Variants in KIF7 observed in about 807,000 individuals in gnomAD.
KIF7 encodes the protein kinesin family member 7, also known as kinesin-like protein KIF7.
KIF7 carries 104 observed loss-of-function variants against 135.7 expected under a neutral mutation model. The ratio of observed to expected loss-of-function variants is 0.77; its 90% CI spans 0.65 to 0.90. KIF7 has a LOEUF of 0.90. KIF7 is among the 40% of genes least tolerant of loss of function. The pLI is 0.00. For missense variants in KIF7, 2,005 were observed against 1,839.1 expected, an observed-to-expected ratio of 1.09 and a Z score of -1.65; for synonymous variants, 883 against 809.4, an observed-to-expected ratio of 1.09 and a Z score of -1.54.
At position 89,642,215 on chromosome 15, in the gene KIF7, C is replaced by G. The variant is rs780353194; in HGVS notation, c.2382G>C (p.Gln794His). Residue 794 changes from glutamine (Q) to histidine (H), a missense_variant, in exon 11 of 19, where the codon CAG becomes CAC. Transcript: ENST00000394412. Reference sequence around the variant, plus strand: ...CCCCGAGACTAACCTGCACCTGGCTCTGGGCCGCAGCGACCCTCCTGCGGA... The same window carrying G: ...CCCCGAGACTAACCTGCACCTGGCTGTGGGCCGCAGCGACCCTCCTGCGGA... ...QEFRRRVAAA[Q>H]SQVQVLKEKK... The G allele has an allele frequency of 1.9e-6, 3 of 1,610,438 alleles. No individual in the cohort carries two copies. Among genetic ancestry groups the G allele is most frequent in the South Asian group, 2.2e-5 (2 of 91,002 alleles).
rs758999185 is a variant in KIF7 at position 89,633,694 on chromosome 15, G to A, written c.2584C>T (p.Arg862Cys). 1.6e-5 allele frequency: 25 copies of A among 1,606,932 alleles called. No homozygotes were observed. Among genetic ancestry groups the A allele is most frequent in the Admixed American group, 3.3e-5 (2 of 59,960 alleles). ...LEAEMSKRQH[R>C]VKELELKHEQ... ...CCTGCCGTGAGCCTGACCTTGACGC[G>A]GTGCTGCCGCTTGCTCATTTCTGCC... Residue 862 changes from arginine to cysteine, a missense_variant, in exon 12 of 19, where the codon CGC becomes TGC. Physicochemically the swap from Arg to Cys is radical, Grantham distance 180. Transcript: ENST00000394412.
rs1963598744 is a variant in KIF7 at position 89,628,877 on chromosome 15, C to A, written c.3665-91G>T. ...CCCAGTGCCCCAGCACAATAAGCAA[C>A]CTGTGAATTGAGCCAATAAAGGCTC... On this transcript the variant is annotated intron_variant, in intron 18 of 18. Coordinates refer to ENST00000394412, the MANE Select transcript of KIF7 (RefSeq NM_198525.3). The A allele has an allele frequency of 2.5e-6, 4 of 1,610,738 alleles. No homozygotes were observed. In the Admixed American group the frequency reaches 6.7e-5, roughly 27 times the overall value.
chr15:89,620,754 ACT>A (rs1344770095), intron 1 of KIF7, among the ~76,000 whole-genome samples: 3 of 151,094 alleles, frequency 2.0e-5, no homozygotes, highest in Admixed American at 6.6e-5. Flanking sequence ...ATGGAGTCTC[ACT>A]CTGTTGCCCA....
downstream of KIF7, chr15:89,627,025 G>A (rs762916280): frequency 1.4e-5 from 23 of 1,613,922 alleles, no homozygotes; most frequent in South Asian, 2.2e-5. Context: ...TCCAGGAGGC[G>A]CCCCATCAGC....
In KIF7 at chr15:89,648,977, G is replaced by A; in HGVS notation, c.920C>T (p.Thr307Ile). The change falls in exon 4 of 19, where the codon ACC becomes ATC. Residue 307 changes from threonine to isoleucine, a missense_variant. Transcript: ENST00000394412. Reference protein sequence around the residue: ...SHIPYRDSKITRILKDSLGGN... With the variant: ...SHIPYRDSKIIRILKDSLGGN... ...TAGGAGCCAGGGGGCAGCTCACCGG[G>A]TGATCTTGGAGTCGCGGTAGGGTAT... 6.5e-7 allele frequency: 1 copy of A among 1,536,182 alleles called. No individual in the cohort carries two copies. The highest frequency in any genetic ancestry group is 8.8e-7 in the Non-Finnish European group (1 of 1,139,696).
At chr15:89,624,707 T>G, downstream of KIF7, 1 of 1,614,166 alleles carries the variant, frequency 6.2e-7, no homozygotes, top group African/African-American at 1.3e-5. Flanking sequence ...CATGTCACTC[T>G]CCTCAGTGAA....
intron 6 of KIF7, 104 bp from the exon 7 acceptor site, chr15:89,647,161 G>A (rs1964029206): frequency 2.0e-6 from 2 of 990,822 alleles, no homozygotes; most frequent in Non-Finnish European, 3.1e-6. Context: ...TCTCTGGGCT[G>A]AAAATGAGGA....
chr15:89,648,787 G>C lies in KIF7; in HGVS notation c.924-13C>G, dbSNP rs1964069016. The C allele has an allele frequency of 6.5e-7, 1 of 1,528,400 alleles. No homozygotes were observed. Among genetic ancestry groups the C allele is most frequent in the African/African-American group, 1.4e-5 (1 of 72,836 alleles). The allele number at this position is 1,528,400 out of a possible 1,614,324, so 94.7% of individuals were successfully genotyped here. ...GTCTTTGAGGATCCTGAGGGCGCGAGGGGGAGGCTCTCAGGGGCCCCGACG... is the reference window on the plus strand; with the variant it reads ...GTCTTTGAGGATCCTGAGGGCGCGACGGGGAGGCTCTCAGGGGCCCCGACG... On this transcript the variant is annotated splice_polypyrimidine_tract_variant and intron_variant, in intron 4 of 18. Transcript: ENST00000394412.
downstream of KIF7, chr15:89,625,786 G>A (rs747284999): frequency 1.9e-5 from 30 of 1,593,546 alleles, no homozygotes; most frequent in Admixed American, 3.5e-5. Flanking sequence ...GTTTGTTTCC[G>A]GTGAGTTCGT....
chr15:89,620,613 C>T (rs1309280089), intron 1 of KIF7, among the ~76,000 whole-genome samples: 1 of 151,898 alleles, frequency 6.6e-6, no homozygotes, highest in Non-Finnish European at 1.5e-5. Flanking sequence ...AAAAAGGCAG[C>T]AGTTGTTGTA....
chr15:89,651,047 T>G (rs1415396645), intron 2 of KIF7, among the ~76,000 whole-genome samples: 2 of 152,174 alleles, frequency 1.3e-5, no homozygotes, highest in African/African-American at 4.8e-5. Context: ...TCCTCCTGCC[T>G]CAGCCTCCTG....
Position 89,645,147 on chromosome 15 carries a change from G to A in KIF7, c.2057C>T (p.Ala686Val). 6.2e-7 allele frequency: 1 copy of A among 1,604,418 alleles called. No homozygotes were observed. The highest frequency in any genetic ancestry group is 8.5e-7 in the Non-Finnish European group (1 of 1,179,966). Residue 686 changes from alanine to valine, a missense_variant, in exon 10 of 19, where the codon GCC becomes GTC. Ala to Val is a moderately conservative substitution (Grantham distance 64, BLOSUM62 0). Transcript: ENST00000394412. ...GGGGACCTGGCGGGCCTGAACTCGG[G>A]CCTTGCTCCCACCAACTGCTGCAAC... Reference protein sequence around the residue: ...PGSRAVGGSKARVQARQVPPA... With the variant: ...PGSRAVGGSKVRVQARQVPPA...
intron 11 of KIF7, 143 bp from the exon 12 acceptor site, chr15:89,634,026 C>A: frequency 1.2e-6 from 1 of 864,076 alleles, no homozygotes; most frequent in South Asian, 1.4e-5. Context: ...AGGCCGGGTG[C>A]GGTGGCTCAC....
chr15:89,628,657 G>A lies in KIF7; in HGVS notation c.3794C>T (p.Thr1265Met), dbSNP rs747632760. 19 of 1,613,074 alleles carry A rather than the reference G, an allele frequency of 1.2e-5. No homozygotes were observed. The highest frequency in any genetic ancestry group is 6.7e-5 in the Admixed American group (4 of 60,016). Residue 1265 changes from threonine to methionine, a missense_variant, in exon 19 of 19, where the codon ACG (threonine) becomes ATG (methionine). Physicochemically the swap from Thr to Met is moderately conservative, Grantham distance 81 (BLOSUM62 -1). Coordinates refer to ENST00000394412, the MANE Select transcript of KIF7 (RefSeq NM_198525.3). ...TEGAPRTREE[T>M]RDLVHAPLPL... ...TAACGGAGCGTGGACCAAGTCCCGC[G>A]TCTCCTCCCGGGTGCGGGGGGCCCC...
intron 11 of KIF7, among the ~76,000 whole-genome samples, chr15:89,638,914 C>T (rs1393459574): frequency 6.7e-6 from 1 of 149,960 alleles, no homozygotes; most frequent in Non-Finnish European, 1.5e-5. Flanking sequence ...GCTACAGTAA[C>T]CAAAACAGCA....
At chr15:89,649,705 C>A in intron 3 of KIF7, 36 bp downstream of exon 3, 1 of 1,545,628 alleles carries the variant, frequency 6.5e-7, no homozygotes, top group African/African-American at 1.4e-5. Context: ...CCCCCTAAGC[C>A]CCTCTCCGTC....
chr15:89,642,331 G>A lies in KIF7; in HGVS notation c.2266C>T (p.Arg756Trp), dbSNP rs570853380. 5.6e-6 allele frequency: 9 copies of A among 1,609,966 alleles called. No individual in the cohort carries two copies. The highest frequency in any genetic ancestry group is 4.0e-5 in the African/African-American group (3 of 74,924). The change falls in exon 11 of 19, where the codon CGG becomes TGG. Residue 756 changes from arginine to tryptophan, a missense_variant. Arg to Trp is a moderately radical substitution (Grantham distance 101, BLOSUM62 -3). Coordinates refer to ENST00000394412, the MANE Select transcript of KIF7 (RefSeq NM_198525.3). ...CTCTGGCCTTCACTCAGCTCGGCCC[G>A]CACCTGCTCTGCCTCCTGCTCCAGC... ...RELEQEAEQV[R>W]AELSEGQRQL...
In KIF7 at chr15:89,633,686, C is replaced by A; in HGVS notation, c.2592G>T (p.Lys864Asn). Residue 864 changes from lysine (K) to asparagine (N), a missense_variant and splice_region_variant, in exon 12 of 19, where the codon AAG (lysine) becomes AAT (asparagine). Coordinates refer to ENST00000394412, the MANE Select transcript of KIF7 (RefSeq NM_198525.3). Reference sequence around the variant, plus strand: ...GTCCCCACCCTGCCGTGAGCCTGACCTTGACGCGGTGCTGCCGCTTGCTCA... The same window carrying A: ...GTCCCCACCCTGCCGTGAGCCTGACATTGACGCGGTGCTGCCGCTTGCTCA... Reference protein sequence around the residue: ...AEMSKRQHRVKELELKHEQQQ... With the variant: ...AEMSKRQHRVNELELKHEQQQ... 6.2e-7 allele frequency: 1 copy of A among 1,606,718 alleles called. No individual in the cohort carries two copies. The highest frequency in any genetic ancestry group is 8.5e-7 in the Non-Finnish European group (1 of 1,179,756).
At chr15:89,628,913 G>C in intron 18 of KIF7, 63 bp downstream of exon 18, 1 of 1,612,064 alleles carries the variant, frequency 6.2e-7, no homozygotes, top group Middle Eastern at 1.7e-4. Context: ...GAGGGAGAGT[G>C]GTCTCTAAGC....
Sources: allele counts gnomAD v4.1 joint callset (sites outside exome capture counted in the v4.1 genomes callset), GRCh38; gene constraint gnomAD v4.1.1; transcripts MANE v1.5; gene names NCBI Gene and HGNC (gene_info 2026-07-23, HGNC 2026-07-21).